KIF13A: variants seen among roughly 807,000 people sequenced by gnomAD.
The protein encoded by KIF13A is kinesin-like protein KIF13A.
A neutral mutation model predicts 212.2 loss-of-function variants in KIF13A; 79 were observed. The ratio of observed to expected loss-of-function variants is 0.37; its 90% CI spans 0.31 to 0.45. The LOEUF is 0.45. Among genes scored for constraint, KIF13A ranks in the 20% least tolerant of loss-of-function variants. KIF13A has a pLI of 1.00. For missense variants in KIF13A, 1,901 were observed against 2,209.0 expected (o/e 0.86, Z 2.79); for synonymous variants, 789 against 808.6 (o/e 0.98, Z 0.41).
At chr6:17,792,542 G>C (rs1047768629) in intron 25 of KIF13A, among the ~76,000 whole-genome samples, 1 of 152,182 alleles carries the variant, frequency 6.6e-6, no homozygotes, top group Admixed American at 6.5e-5. Flanking sequence ...CAGCCACGTA[G>C]AAGTTGATGG....
chr6:17,779,131 T>C (rs1379325399), intron 32 of KIF13A, 32 bp from the exon 33 acceptor site: 7 of 1,599,932 alleles, frequency 4.4e-6, no homozygotes, highest in East Asian at 4.5e-5. Context: ...GACAATACTT[T>C]GATGTGAACA....
chr6:17,821,413 G>T (rs1764421255), intron 16 of KIF13A, among the ~76,000 whole-genome samples: 2 of 152,164 alleles, frequency 1.3e-5, no homozygotes, highest in Non-Finnish European at 2.9e-5. Flanking sequence ...GACCTGAACT[G>T]CTCTGCTGTC....
intron 9 of KIF13A, among the ~76,000 whole-genome samples, chr6:17,842,912 C>T (rs1003444377): frequency 6.6e-6 from 1 of 151,810 alleles, no homozygotes; most frequent in Non-Finnish European, 1.5e-5. Context: ...TCCCCTGAAA[C>T]TCTGACCATT....
At position 17,763,925 on chromosome 6, in the gene KIF13A, T is replaced by C. The variant is rs75469261; in HGVS notation, c.*185A>G. On this transcript the variant is annotated 3_prime_UTR_variant, in exon 39 of 39. Transcript: ENST00000259711. ...TGTGCCAGGTAAAAAAATCCACTGG[T>C]CTTATAATTTCACAATTGCGTTCTA... The C allele has an allele frequency of 7.0e-7, 1 of 1,429,990 alleles. No homozygotes were observed. Among genetic ancestry groups the C allele is most frequent in the South Asian group, 1.5e-5 (1 of 64,928 alleles). The allele number at this position is 1,429,990 out of a possible 1,614,324, so 88.6% of individuals were successfully genotyped here.
intron 4 of KIF13A, among the ~76,000 whole-genome samples, chr6:17,858,075 ATAGT>A (rs1768313053): frequency 1.6e-5 from 2 of 127,382 alleles, no homozygotes; most frequent in African/African-American, 6.7e-5. Context: ...CTTATGTCAA[ATAGT>A]TATGTGTGTG....
rs1456688494 is a variant in KIF13A at position 17,771,055 on chromosome 6, T to C, written c.4581+59A>G. 2.8e-6 allele frequency: 3 copies of C among 1,073,856 alleles called. No homozygotes were observed. The highest frequency in any genetic ancestry group is 1.4e-6 in the Non-Finnish European group (1 of 710,212). The allele number at this position is 1,073,856 out of a possible 1,614,324, so 66.5% of individuals were successfully genotyped here. A position where few individuals can be genotyped will look rare whatever the true frequency, so the allele number is the denominator to read the frequency against. On this transcript the variant is annotated intron_variant, in intron 38 of 38. Coordinates refer to ENST00000259711, the MANE Select transcript of KIF13A (RefSeq NM_022113.6). The surrounding 1 kb of genome is among the most constrained non-coding windows in gnomAD (Gnocchi z 5.4). Reference sequence around the variant, plus strand: ...TTCTTCTAGCATTTGGATGATTGTCTGTGAAAGGGCCTTAAACCCACCACC... The same window carrying C: ...TTCTTCTAGCATTTGGATGATTGTCCGTGAAAGGGCCTTAAACCCACCACC...
rs1018394162 is a variant in KIF13A, at chr6:17,771,474, C to G, written c.4477-256G>C. The G allele has an allele frequency of 6.6e-6, 3 of 455,234 alleles. No homozygotes were observed. The highest frequency in any genetic ancestry group is 4.0e-5 in the Admixed American group (1 of 25,284). The allele number at this position is 455,234 out of a possible 1,614,324, so 28.2% of individuals were successfully genotyped here. On this transcript the variant is annotated intron_variant, in intron 37 of 38. Transcript: ENST00000259711. The surrounding 1 kb of genome is among the most constrained non-coding windows in gnomAD (Gnocchi z 5.4). ...AGGTACAACGGCTCATGCCTGCAAT[C>G]CCAGTGCCTTGGGAGGCTGGGGCAA...
intron 2 of KIF13A, among the ~76,000 whole-genome samples, chr6:17,965,113 G>A (rs549355098): frequency 3.3e-5 from 5 of 152,304 alleles, no homozygotes; most frequent in South Asian, 2.1e-4. Context: ...TAAGGCATGA[G>A]CCACTGCACC....
chr6:17,801,884 A>T (rs769899398), intron 20 of KIF13A, among the ~76,000 whole-genome samples: 1 of 152,184 alleles, frequency 6.6e-6, no homozygotes, highest in Non-Finnish European at 1.5e-5. Context: ...AAAGGTTTTA[A>T]ATTTTCTATC....
In KIF13A at chr6:17,774,228, C is replaced by T. The variant is rs188948378; in HGVS notation, c.4219-645G>A. On this transcript the variant is annotated intron_variant, in intron 35 of 38. Transcript: ENST00000259711. ...GCTTATACCTTTTGGATCATCTAGT[C>T]TCTAGCATAGTAACTCATATATAAT... Among the ~76,000 whole-genome samples, 12 of 152,172 alleles carry T rather than the reference C, an allele frequency of 7.9e-5. No individual in the cohort carries two copies. In the East Asian group the frequency reaches 1.5e-3, roughly 20 times the overall value.
chr6:17,876,708 T>C (rs2150442686), intron 3 of KIF13A, among the ~76,000 whole-genome samples: 1 of 152,310 alleles, frequency 6.6e-6, no homozygotes. Flanking sequence ...GGCACTATCA[T>C]GGCTCACTGC....
At position 17,786,958 on chromosome 6, in the gene KIF13A, T is replaced by C. The variant is rs1450933708; in HGVS notation, c.3361+818A>G. On this transcript the variant is annotated intron_variant, in intron 27 of 38. Coordinates refer to ENST00000259711, the MANE Select transcript of KIF13A (RefSeq NM_022113.6). This position sits in a 1 kb window ranked among gnomAD's most constrained non-coding sequence, Gnocchi z 5.4. ...ACAGACTAAGGATTTTAAGTGCATATTTCTACTCTAGAATCCAAGTGGCCA... is the reference window on the plus strand; with the variant it reads ...ACAGACTAAGGATTTTAAGTGCATACTTCTACTCTAGAATCCAAGTGGCCA... Among the ~76,000 whole-genome samples, 1 of 152,174 alleles carries C rather than the reference T, an allele frequency of 6.6e-6. No individual in the cohort carries two copies. The highest frequency in any genetic ancestry group is 2.4e-5 in the African/African-American group (1 of 41,428).
At chr6:17,780,931 G>C in intron 30 of KIF13A, 25 bp from the exon 31 acceptor site, 1 of 1,602,206 alleles carries the variant, frequency 6.2e-7, no homozygotes, top group Non-Finnish European at 8.5e-7. Context: ...ATGATGAGGA[G>C]ATGGAAACAA....
intron 2 of KIF13A, among the ~76,000 whole-genome samples, chr6:17,942,251 A>G (rs1777017726): frequency 6.6e-6 from 1 of 151,986 alleles, no homozygotes; most frequent in Admixed American, 6.6e-5. Context: ...GCAGTGAACC[A>G]TGATCATGCC....
rs149797797 is a variant in KIF13A at position 17,892,930 on chromosome 6, T to C, written c.159+5238A>G. Among the ~76,000 whole-genome samples, 1 of 152,282 alleles carries C rather than the reference T, an allele frequency of 6.6e-6. No individual in the cohort carries two copies. The highest frequency in any genetic ancestry group is 1.9e-4 in the East Asian group (1 of 5,182). ...AGCCATTCTAGCAAATTATGGAACCTGAGGAGGGGGACACGGGAACTCTTG... is the reference window on the plus strand; with the variant it reads ...AGCCATTCTAGCAAATTATGGAACCCGAGGAGGGGGACACGGGAACTCTTG... On this transcript the variant is annotated intron_variant, in intron 3 of 38. Coordinates refer to ENST00000259711, the MANE Select transcript of KIF13A (RefSeq NM_022113.6). The surrounding 1 kb of genome is among the most constrained non-coding windows in gnomAD (Gnocchi z 4.7).
In KIF13A at chr6:17,764,145, G is replaced by A; in HGVS notation, c.5383C>T (p.Pro1795Ser). The change falls in exon 39 of 39, where the codon CCA becomes TCA. Residue 1795 changes from proline (P) to serine (S), a missense_variant. Pro to Ser is a moderately conservative substitution (Grantham distance 74). Transcript: ENST00000259711. This position sits in a 1 kb window ranked among gnomAD's most constrained non-coding sequence, Gnocchi z 5.1. Reference sequence around the variant, plus strand: ...CACAGAACCCAAAAGGCTGCCTCTGGAATTATTACCTGGTCATTCTCTAAC... The same window carrying A: ...CACAGAACCCAAAAGGCTGCCTCTGAAATTATTACCTGGTCATTCTCTAAC... ...SKLENDQVII[P>S]EAAFWVLCCQ 6.2e-7 allele frequency: 1 copy of A among 1,614,006 alleles called. No individual in the cohort carries two copies. Among genetic ancestry groups the A allele is most frequent in the South Asian group, 1.1e-5 (1 of 91,070 alleles).
intron 4 of KIF13A, among the ~76,000 whole-genome samples, chr6:17,864,690 T>G (rs1769188600): frequency 6.6e-6 from 1 of 152,158 alleles, no homozygotes; most frequent in Non-Finnish European, 1.5e-5. Context: ...AGAGATAAGA[T>G]CTTGCTATGT....
intron 3 of KIF13A, among the ~76,000 whole-genome samples, chr6:17,879,283 C>A (rs1039480713): frequency 6.6e-6 from 1 of 152,134 alleles, no homozygotes; most frequent in African/African-American, 2.4e-5. Context: ...ATGTTCCATG[C>A]ACCCCATAGT....
intron 2 of KIF13A, among the ~76,000 whole-genome samples, chr6:17,942,919 C>G (rs1777073426): frequency 6.6e-6 from 1 of 151,978 alleles, no homozygotes; most frequent in Non-Finnish European, 1.5e-5. Flanking sequence ...ATGGAGGTTG[C>G]AGTGAGCCAA....
Sources: allele counts gnomAD v4.1 joint callset (sites outside exome capture counted in the v4.1 genomes callset), GRCh38; gene constraint gnomAD v4.1.1; non-coding constraint Gnocchi (gnomAD v3.1); transcripts MANE v1.5; gene names NCBI Gene and HGNC (gene_info 2026-07-23, HGNC 2026-07-21).